The following ADAMTS3 variants were observed in gnomAD, a reference collection of about 807,000 sequenced individuals.
ADAMTS3 encodes the protein ADAM metallopeptidase with thrombospondin type 1 motif 3.
ADAMTS3 carries 73 observed loss-of-function variants against 129.0 expected under a neutral mutation model. The observed-to-expected ratio is 0.57, with a 90% CI of 0.47 to 0.69. ADAMTS3 has a LOEUF of 0.69. ADAMTS3 is among the 30% of genes least tolerant of loss of function. The pLI is 0.00. For missense variants in ADAMTS3, 1,457 were observed against 1,514.5 expected, an observed-to-expected ratio of 0.96 and a Z score of 0.63; for synonymous variants, 477 against 510.8, an observed-to-expected ratio of 0.93 and a Z score of 0.89.
In ADAMTS3 at chr4:72,288,808, G is replaced by A; in HGVS notation, c.2992C>T (p.His998Tyr). Residue 998 changes from histidine to tyrosine, a missense_variant, in exon 21 of 22, where the codon CAC (histidine) becomes TAC (tyrosine). His to Tyr is a moderately conservative substitution (Grantham distance 83, BLOSUM62 2). Transcript: ENST00000286657. Reference sequence around the variant, plus strand: ...GACTCAGGCTTTTCACCATCACAGTGGTCCCCAGCCCTGCAGAGGACCTGC... The same window carrying A: ...GACTCAGGCTTTTCACCATCACAGTAGTCCCCAGCCCTGCAGAGGACCTGC... ...VRQVLCRAGD[H>Y]CDGEKPESVR... 4 of 1,613,868 alleles carry A rather than the reference G, an allele frequency of 2.5e-6. No homozygotes were observed. Among genetic ancestry groups the A allele is most frequent in the Non-Finnish European group, 3.4e-6 (4 of 1,179,970 alleles).
intron 3 of ADAMTS3, among the ~76,000 whole-genome samples, chr4:72,541,600 CAT>C (rs911954520): frequency 3.9e-5 from 6 of 152,212 alleles, no homozygotes; most frequent in Non-Finnish European, 5.9e-5. Flanking sequence ...CTAATCCTCA[CAT>C]GTCATGGGAG....
At position 72,462,295 on chromosome 4, in the gene ADAMTS3, T is replaced by C. The variant is rs190605727; in HGVS notation, c.505-47324A>G. Reference sequence around the variant, plus strand: ...AACATCTATAACAACATAAGGAATATTATAAATCTCTTGGAAAATGTAAAC... The same window carrying C: ...AACATCTATAACAACATAAGGAATACTATAAATCTCTTGGAAAATGTAAAC... On this transcript the variant is annotated intron_variant, in intron 3 of 21. Coordinates refer to ENST00000286657, the MANE Select transcript of ADAMTS3 (RefSeq NM_014243.3). Among the ~76,000 whole-genome samples, 126 of 152,018 alleles carry C rather than the reference T, an allele frequency of 8.3e-4. 1 individual carries two copies. The highest frequency in any genetic ancestry group is 2.8e-3 in the African/African-American group (115 of 41,524).
At chr4:72,416,172 A>AATATAAATGTATATATACATATATGT (rs1722299234) in intron 3 of ADAMTS3, among the ~76,000 whole-genome samples, 1 of 146,084 alleles carries the variant, frequency 6.8e-6, no homozygotes, top group Non-Finnish European at 1.5e-5. Context: ...AGCAAATATA[A>AATATAAATGTATATATACATATATGT]ATATAAATAT....
intron 4 of ADAMTS3, among the ~76,000 whole-genome samples, chr4:72,355,514 C>T (rs573890514): frequency 1.4e-4 from 22 of 152,082 alleles, no homozygotes; most frequent in African/African-American, 5.1e-4. Flanking sequence ...ACTTAATACT[C>T]ATTGTGATGG....
intron 3 of ADAMTS3, among the ~76,000 whole-genome samples, chr4:72,436,919 T>C (rs1335333421): frequency 6.6e-6 from 1 of 152,104 alleles, no homozygotes; most frequent in South Asian, 2.1e-4. Flanking sequence ...GACGAGTTAA[T>C]GGGTGCAGCA....
chr4:72,333,367 A>T (rs1719899802), intron 5 of ADAMTS3, among the ~76,000 whole-genome samples: 1 of 152,172 alleles, frequency 6.6e-6, no homozygotes, highest in Non-Finnish European at 1.5e-5. Flanking sequence ...AAGCTAAAAA[A>T]ACGTATAAAT....
At chr4:72,345,587 T>C (rs1257922018) in intron 4 of ADAMTS3, among the ~76,000 whole-genome samples, 1 of 152,096 alleles carries the variant, frequency 6.6e-6, no homozygotes, top group Non-Finnish European at 1.5e-5. Context: ...TATATTCAGG[T>C]CAAGTTATGA....
chr4:72,547,552 C>T (rs755850425), intron 3 of ADAMTS3, among the ~76,000 whole-genome samples: 1 of 152,174 alleles, frequency 6.6e-6, no homozygotes, highest in Non-Finnish European at 1.5e-5. Flanking sequence ...TGATTTCAGT[C>T]ACATTTCTGA....
intron 4 of ADAMTS3, among the ~76,000 whole-genome samples, chr4:72,365,359 T>G (rs1578617793): frequency 6.6e-6 from 1 of 152,224 alleles, no homozygotes; most frequent in Admixed American, 6.5e-5. Flanking sequence ...GGAAATCTTT[T>G]GCACACTTCC....
chr4:72,508,765 G>A (rs534676354), intron 3 of ADAMTS3, among the ~76,000 whole-genome samples: 4 of 151,388 alleles, frequency 2.6e-5, no homozygotes, highest in South Asian at 2.1e-4. Flanking sequence ...GCCAAGACTT[G>A]ATCTACACTA....
intron 3 of ADAMTS3, among the ~76,000 whole-genome samples, chr4:72,436,677 TA>T (rs1717936059): frequency 6.6e-6 from 1 of 151,974 alleles, no homozygotes; most frequent in Non-Finnish European, 1.5e-5. Context: ...TATGCAGCCA[TA>T]AAAAAGGATG....
At chr4:72,530,048 T>TATATA (rs1720949996) in intron 3 of ADAMTS3, among the ~76,000 whole-genome samples, 1 of 7,266 alleles carries the variant, frequency 1.4e-4, no homozygotes, top group African/African-American at 1.1e-3. Context: ...TATATTATAT[T>TATATA]TATATATAAT....
chr4:72,304,598 A>C (rs1483193441), intron 16 of ADAMTS3, among the ~76,000 whole-genome samples: 1 of 152,096 alleles, frequency 6.6e-6, no homozygotes, highest in Admixed American at 6.6e-5. Context: ...AAAATTCCAG[A>C]GCCATATCAC....
chr4:72,521,092 G>C (rs554897072), intron 3 of ADAMTS3, among the ~76,000 whole-genome samples: 67 of 151,402 alleles, frequency 4.4e-4, no homozygotes, highest in South Asian at 1.7e-3. Flanking sequence ...CCACCTCCCC[G>C]GTTCAAGTGA....
intron 2 of ADAMTS3, among the ~76,000 whole-genome samples, chr4:72,549,556 A>G (rs550659827): frequency 1.9e-4 from 29 of 152,150 alleles, no homozygotes; most frequent in Non-Finnish European, 3.7e-4. Context: ...ATTCTATCCT[A>G]CCATGCTTTC....
At chr4:72,385,707 C>T (rs952275595) in intron 4 of ADAMTS3, among the ~76,000 whole-genome samples, 2 of 152,178 alleles carry the variant, frequency 1.3e-5, no homozygotes, top group Admixed American at 6.5e-5. Flanking sequence ...GGAAAAGTTT[C>T]ACTTTGGAAT....
intron 19 of ADAMTS3, among the ~76,000 whole-genome samples, chr4:72,294,681 G>T (rs1413561010): frequency 6.6e-6 from 1 of 152,024 alleles, no homozygotes; most frequent in Non-Finnish European, 1.5e-5. Context: ...GGAACAAAAT[G>T]ACGGTCCTAC....
intron 21 of ADAMTS3, 135 bp from the exon 22 acceptor site, chr4:72,283,839 C>A (rs1718425973): frequency 7.7e-6 from 5 of 652,024 alleles, no homozygotes; most frequent in Non-Finnish European, 1.2e-5. Context: ...TCCACACGAG[C>A]TTTTGCATTA....
chr4:72,488,454 G>A (rs1719647332), intron 3 of ADAMTS3, among the ~76,000 whole-genome samples: 1 of 151,834 alleles, frequency 6.6e-6, no homozygotes, highest in African/African-American at 2.4e-5. Context: ...TGAAATACTG[G>A]CATTTGTCAT....
Sources: gnomAD v4.1 joint callset for allele counts (sites outside exome capture counted in the v4.1 genomes callset) on GRCh38, gnomAD v4.1.1 for gene constraint, MANE v1.5 for transcripts, NCBI Gene and HGNC (gene_info 2026-07-23, HGNC 2026-07-21) for gene names.